Variants in MYO15B observed in about 807,000 individuals in gnomAD.
MYO15B encodes myosin XVB.
Under a neutral mutation model 119.3 loss-of-function variants are expected in MYO15B, and 207 were observed. That is an observed-to-expected ratio of 1.73 (90% CI 1.55 to 1.95). MYO15B has a LOEUF of 1.95. MYO15B is among the 30% of genes most tolerant of loss of function. MYO15B has a pLI of 0.00. For synonymous variants in MYO15B, 966 were observed against 498.9 expected (o/e 1.94, Z -12.48); for missense variants, 2,264 against 1,203.1 (o/e 1.88, Z -13.04).
rs141546083 is a variant in MYO15B at position 75,625,840 on chromosome 17, G to A, written c.8939-4G>A. ...TTTCCTGCCTGCACCCTCTCCACCCGCAGAGGCCATGAGCCAGCTGCCCCT... is the reference window on the plus strand; with the variant it reads ...TTTCCTGCCTGCACCCTCTCCACCCACAGAGGCCATGAGCCAGCTGCCCCT... On this transcript the variant is annotated splice_region_variant and splice_polypyrimidine_tract_variant and intron_variant, in intron 61 of 63. Coordinates refer to ENST00000645453, the Ensembl canonical transcript of MYO15B. 3.1e-5 allele frequency: 22 copies of A among 702,728 alleles called. No homozygotes were observed. The highest frequency in any genetic ancestry group is 1.4e-4 in the African/African-American group (8 of 57,368). The allele number at this position is 702,728 out of a possible 1,614,324, so 43.5% of individuals were successfully genotyped here.
At chr17:75,626,783 CCCACATTAGCACAAGCCCAGGCA>C (rs2059091908) in exon 64 of MYO15B, 1 of 526,334 alleles carries the variant, frequency 1.9e-6, no homozygotes, top group Admixed American at 3.4e-5. Context: ...CCGCCCAGGC[CCCACATTAGCACAAGCCCAGGCA>C]TGGGAGAAAC....
At chr17:75,616,922 G>A in exon 40 of MYO15B, 1 of 702,972 alleles carries the variant, frequency 1.4e-6, no homozygotes, top group Non-Finnish European at 2.6e-6. Flanking sequence ...ACGAGGCTCT[G>A]GCCAAGCTGG....
chr17:75,588,644 C>A, exon 1 of MYO15B: 1 of 400,716 alleles, frequency 2.5e-6, no homozygotes, highest in Non-Finnish European at 4.4e-6. Context: ...GGGACAAAAA[C>A]CGGGCCGGAG....
In MYO15B at chr17:75,591,701, C is replaced by T. The variant is rs770137340; in HGVS notation, c.2536C>T (p.Arg846Ter). 22 of 702,966 alleles carry T rather than the reference C, an allele frequency of 3.1e-5. No homozygotes were observed. The highest frequency in any genetic ancestry group is 1.4e-4 in the African/African-American group (8 of 57,360). The allele number at this position is 702,966 out of a possible 1,614,324, so 43.5% of individuals were successfully genotyped here. The change falls in exon 5 of 64, where the codon CGA becomes TGA. Residue 846 changes from arginine (R) to a stop codon, truncating the protein, a stop_gained. Coordinates refer to ENST00000645453, the Ensembl canonical transcript of MYO15B. LOFTEE classifies it high-confidence loss of function. Reference sequence around the variant, plus strand: ...CCTGGAGCAGGATCAGACGGGGAACCGAGAGTGTCAGGTGAGGGCCAGGCT... The same window carrying T: ...CCTGGAGCAGGATCAGACGGGGAACTGAGAGTGTCAGGTGAGGGCCAGGCT...
intron 28 of MYO15B, 108 bp from the exon 29 acceptor site, chr17:75,613,597 C>G: frequency 1.5e-6 from 1 of 648,398 alleles, no homozygotes; most frequent in Admixed American, 2.4e-5. Context: ...CCCTGATCCC[C>G]CTCCCCTCTG....
chr17:75,622,039 C>T (rs1216418888), exon 53 of MYO15B: 29 of 702,880 alleles, frequency 4.1e-5, no homozygotes, highest in East Asian at 1.6e-4. Context: ...GTCCAAGCCC[C>T]GGGGCAAGGA....
rs2057576511 is a variant in MYO15B at position 75,605,434 on chromosome 17, C to A, written c.4017-70C>A. The A allele has an allele frequency of 6.3e-6, 3 of 479,662 alleles. No individual in the cohort carries two copies. The Admixed American group carries it at 1.1e-4, about 18-fold the overall frequency. The allele number at this position is 479,662 out of a possible 1,614,324, so 29.7% of individuals were successfully genotyped here. A position where few individuals can be genotyped will look rare whatever the true frequency, so the allele number is the denominator to read the frequency against. Reference sequence around the variant, plus strand: ...CCTGGGCAAAAGAGCGAGACTCCGTCTTAAAAAAAAAAAAAAAAGTGTAAA... The same window carrying A: ...CCTGGGCAAAAGAGCGAGACTCCGTATTAAAAAAAAAAAAAAAAGTGTAAA... On this transcript the variant is annotated intron_variant, in intron 19 of 63. Coordinates refer to ENST00000645453, the Ensembl canonical transcript of MYO15B.
chr17:75,601,791 G>A (rs1004075435), intron 15 of MYO15B, among the ~76,000 whole-genome samples: 2 of 152,250 alleles, frequency 1.3e-5, no homozygotes, highest in Non-Finnish European at 2.9e-5. Context: ...CTCCAGACAA[G>A]TGGGCAGAGC....
At chr17:75,610,468 ACTCT>A (rs2057953809) in intron 22 of MYO15B, among the ~76,000 whole-genome samples, 3 of 149,540 alleles carry the variant, frequency 2.0e-5, no homozygotes, top group Non-Finnish European at 4.5e-5. Context: ...ATCCCTGCCT[ACTCT>A]CCCCAGGGCC....
At chr17:75,593,725 G>A (rs2056641178) in intron 9 of MYO15B, among the ~76,000 whole-genome samples, 2 of 151,798 alleles carry the variant, frequency 1.3e-5, no homozygotes, top group African/African-American at 2.4e-5. Context: ...TTCGAGACCA[G>A]CCTGACCAAT....
chr17:75,610,361 G>A lies in MYO15B; in HGVS notation c.4386+102G>A, dbSNP rs555283567. On this transcript the variant is annotated intron_variant, in intron 22 of 63. Coordinates refer to ENST00000645453, the Ensembl canonical transcript of MYO15B. ...GCGTTGACCCTCTCAGCCCGGCCTC[G>A]CACGGGCTGTGGCTTCAGACACAGT... is the stretch of plus-strand genomic sequence containing the variant. 3.7e-4 allele frequency: 216 copies of A among 576,060 alleles called. 5 individuals are homozygous for A. The highest frequency in any genetic ancestry group is 3.5e-3 in the South Asian group (167 of 48,280). The allele number at this position is 576,060 out of a possible 1,614,324, so 35.7% of individuals were successfully genotyped here. A position where few individuals can be genotyped will look rare whatever the true frequency, so the allele number is the denominator to read the frequency against.
chr17:75,603,924 A>G (rs1179788102), intron 19 of MYO15B, among the ~76,000 whole-genome samples: 1 of 152,202 alleles, frequency 6.6e-6, no homozygotes, highest in Non-Finnish European at 1.5e-5. Context: ...CAGAGGGAGC[A>G]GGTGGAGTCA....
At chr17:75,609,540 A>G (rs1357250071) in intron 21 of MYO15B, among the ~76,000 whole-genome samples, 1 of 130,554 alleles carries the variant, frequency 7.7e-6, no homozygotes, top group Non-Finnish European at 1.5e-5. Flanking sequence ...AACTGATCTG[A>G]ACCCAGGTAT....
At chr17:75,601,551 T>A (rs752995321) in exon 15 of MYO15B, 28 of 703,034 alleles carry the variant, frequency 4.0e-5, no homozygotes, top group Non-Finnish European at 6.5e-5. Flanking sequence ...ATGCAGGGAC[T>A]GTCACCTACC....
exon 39 of MYO15B, chr17:75,616,719 T>C (rs2058394706): frequency 4.3e-6 from 3 of 702,818 alleles, no homozygotes; most frequent in Non-Finnish European, 7.8e-6. Context: ...AGCAGGGAAA[T>C]TGGCAACATC....
At chr17:75,620,266 C>G in exon 48 of MYO15B, 3 of 702,966 alleles carry the variant, frequency 4.3e-6, no homozygotes, top group Non-Finnish European at 5.2e-6. Context: ...ATGTCATCGC[C>G]CTGCGCAGCT....
At chr17:75,613,441 C>T (rs761048073) in exon 28 of MYO15B, 14 of 681,156 alleles carry the variant, frequency 2.1e-5, no homozygotes, top group East Asian at 5.4e-5. Flanking sequence ...GCGGCGGGGC[C>T]GCATGGCGCT....
intron 14 of MYO15B, among the ~76,000 whole-genome samples, 173 bp from the exon 15 acceptor site, chr17:75,601,265 C>T (rs2057263732): frequency 6.6e-6 from 1 of 152,140 alleles, no homozygotes; most frequent in Non-Finnish European, 1.5e-5. Context: ...TCTCGAACTC[C>T]TATCCTCAAA....
rs2058654061 is a variant in MYO15B, at chr17:75,620,655, G to A, written c.7725+19G>A. ...CTCAGAGGTGAGGAAGATGGGAGAG[G>A]GACAAGCAGAGGCAAGGCCTGCCTG... On this transcript the variant is annotated intron_variant, in intron 49 of 63. Coordinates refer to ENST00000645453, the Ensembl canonical transcript of MYO15B. The A allele has an allele frequency of 5.7e-6, 4 of 695,762 alleles. No individual in the cohort carries two copies. The highest frequency in any genetic ancestry group is 4.5e-5 in the South Asian group (3 of 67,370). The allele number at this position is 695,762 out of a possible 1,614,324, so 43.1% of individuals were successfully genotyped here.
Sources: allele counts gnomAD v4.1 joint callset (sites outside exome capture counted in the v4.1 genomes callset), GRCh38; gene constraint gnomAD v4.1.1; transcripts MANE v1.5; gene names NCBI Gene and HGNC (gene_info 2026-07-23, HGNC 2026-07-21).